The following ZMYND8 variants were observed in gnomAD, a reference collection of about 807,000 sequenced individuals.
The protein encoded by ZMYND8 is MYND-type zinc finger-containing chromatin reader ZMYND8.
A neutral mutation model predicts 140.8 loss-of-function variants in ZMYND8; 37 were observed. The observed-to-expected ratio is 0.26, with a 90% confidence interval of 0.20 to 0.35. The LOEUF (loss-of-function observed/expected upper bound fraction) is 0.35, where lower values mean the gene tolerates loss of function less well. Among genes scored for constraint, ZMYND8 ranks in the 10% least tolerant of loss-of-function variants. The pLI is 1.00. For missense variants in ZMYND8, 1,068 were observed against 1,570.0 expected, an observed-to-expected ratio of 0.68 and a Z score of 5.40; for synonymous variants, 592 against 597.1, an observed-to-expected ratio of 0.99 and a Z score of 0.12.
chr20:47,238,450 G>C (rs2039520977), intron 15 of ZMYND8: 2 of 460,130 alleles, frequency 4.3e-6, no homozygotes, highest in Non-Finnish European at 7.9e-6. Context: ...CTGTGGAAGG[G>C]AAGAGAATGA....
chr20:47,319,474 T>C (rs933211892), intron 2 of ZMYND8: 1 of 192,850 alleles, frequency 5.2e-6, no homozygotes, highest in Non-Finnish European at 1.1e-5. Flanking sequence ...GCCCCTCTCC[T>C]AGAAATGAGA....
intron 2 of ZMYND8, among the ~76,000 whole-genome samples, chr20:47,343,629 A>T (rs1569243432): frequency 6.6e-6 from 1 of 152,124 alleles, no homozygotes; most frequent in Non-Finnish European, 1.5e-5. Flanking sequence ...TTTCTGCTTC[A>T]GTCTCCCAAG....
At chr20:47,325,688 C>T (rs987364336) in intron 2 of ZMYND8, among the ~76,000 whole-genome samples, 2 of 152,160 alleles carry the variant, frequency 1.3e-5, no homozygotes, top group East Asian at 3.8e-4. Flanking sequence ...TGGGGCCATT[C>T]AGCTAAATGC....
chr20:47,246,593 C>T (rs766733938), intron 13 of ZMYND8, 76 bp from the exon 14 acceptor site: 17 of 1,501,806 alleles, frequency 1.1e-5, no homozygotes, highest in Non-Finnish European at 1.3e-5. Context: ...AAACATTTTT[C>T]CACACCAAAT....
At chr20:47,229,139 C>A (rs2038125330) in intron 17 of ZMYND8, among the ~76,000 whole-genome samples, 1 of 151,184 alleles carries the variant, frequency 6.6e-6, no homozygotes, top group South Asian at 2.1e-4. Context: ...ACACCACCAT[C>A]TCCTGCTTGT....
intron 11 of ZMYND8, among the ~76,000 whole-genome samples, chr20:47,263,315 G>A (rs2075285721): frequency 6.6e-6 from 1 of 152,190 alleles, no homozygotes. Context: ...TCCAAGATGA[G>A]CAAGAAACAT....
chr20:47,294,397 A>G (rs1340581679), intron 5 of ZMYND8, among the ~76,000 whole-genome samples: 2 of 151,268 alleles, frequency 1.3e-5, no homozygotes, highest in East Asian at 3.9e-4. Flanking sequence ...TTTTCTTCAT[A>G]AATTACTCAG....
At position 47,238,989 on chromosome 20, in the gene ZMYND8, G is replaced by C. The variant is rs765936429; in HGVS notation, c.2434C>G (p.Pro812Ala). Residue 812 changes from proline (P) to alanine (A), a missense_variant, in exon 15 of 23, where the codon CCC (proline) becomes GCC (alanine). Physicochemically the swap from Pro to Ala is conservative, Grantham distance 27 (BLOSUM62 -1). Around this residue, in one of 10 missense-constraint regions of ZMYND8, gnomAD observed 383 missense variants for 431.2 expected, o/e 0.89. Coordinates refer to ENST00000471951, the MANE Select transcript of ZMYND8 (RefSeq NM_001281775.3). ...TTCACTGGGCTTCCTGTGGCGGCGG[G>C]GGCCGGGGCCGTGACGGTGACCGTG... ...SSTVTVTAPA[P>A]AATGSPVKKQ... The C allele has an allele frequency of 3.7e-6, 6 of 1,609,788 alleles. No individual in the cohort carries two copies. The highest frequency in any genetic ancestry group is 1.3e-5 in the African/African-American group (1 of 74,860).
chr20:47,287,488 G>A (rs117070713), intron 7 of ZMYND8, among the ~76,000 whole-genome samples: 1 of 152,196 alleles, frequency 6.6e-6, no homozygotes, highest in Non-Finnish European at 1.5e-5. Flanking sequence ...TTGGCGCCTC[G>A]ATGTCATCTT....
intron 21 of ZMYND8, among the ~76,000 whole-genome samples, chr20:47,213,911 G>A (rs187607685): frequency 6.6e-5 from 10 of 152,256 alleles, no homozygotes; most frequent in African/African-American, 2.4e-4. Flanking sequence ...CGTGTAAACT[G>A]GAACTAGGAA....
intron 20 of ZMYND8, among the ~76,000 whole-genome samples, chr20:47,220,787 A>G (rs1330488853): frequency 6.6e-6 from 1 of 152,240 alleles, no homozygotes; most frequent in Non-Finnish European, 1.5e-5. Flanking sequence ...TACAGTGACT[A>G]AAAATGTAAA....
chr20:47,341,205 A>G (rs911718395), intron 2 of ZMYND8, among the ~76,000 whole-genome samples: 1 of 152,240 alleles, frequency 6.6e-6, no homozygotes, highest in Non-Finnish European at 1.5e-5. Flanking sequence ...AAATGTTTAC[A>G]CAGTATGTCT....
chr20:47,221,619 T>C (rs1466930118), intron 19 of ZMYND8, 145 bp from the exon 20 acceptor site: 3 of 1,008,870 alleles, frequency 3.0e-6, no homozygotes, highest in East Asian at 2.8e-5. Flanking sequence ...GGGGGCCAGA[T>C]TGCCAGAGTT....
At chr20:47,260,546 C>T (rs550758934) in intron 12 of ZMYND8, among the ~76,000 whole-genome samples, 1 of 152,176 alleles carries the variant, frequency 6.6e-6, no homozygotes, top group Non-Finnish European at 1.5e-5. Context: ...AATCTTTTTC[C>T]TCCTGACACT....
chr20:47,290,385 T>C, intron 6 of ZMYND8, 111 bp from the exon 7 acceptor site: 1 of 834,062 alleles, frequency 1.2e-6, no homozygotes, highest in Non-Finnish European at 1.9e-6. Flanking sequence ...AATCAATTAG[T>C]GTTCTTCTAT....
chr20:47,330,624 A>G (rs2080863148), intron 2 of ZMYND8, among the ~76,000 whole-genome samples: 1 of 152,140 alleles, frequency 6.6e-6, no homozygotes, highest in Non-Finnish European at 1.5e-5. Context: ...ACCAGGGGGA[A>G]AGGGCCATTT....
At chr20:47,261,068 A>C (rs2075117405) in intron 12 of ZMYND8, among the ~76,000 whole-genome samples, 1 of 152,070 alleles carries the variant, frequency 6.6e-6, no homozygotes, top group Non-Finnish European at 1.5e-5. Context: ...CTAAAAATAC[A>C]AAATTAGCCA....
At chr20:47,296,500 G>A (rs1370960352) in intron 4 of ZMYND8, among the ~76,000 whole-genome samples, 1 of 152,056 alleles carries the variant, frequency 6.6e-6, no homozygotes, top group African/African-American at 2.4e-5. Flanking sequence ...CTGAACCCTA[G>A]CAGTCAACTT....
At chr20:47,279,921 A>G (rs1312121921) in intron 10 of ZMYND8, among the ~76,000 whole-genome samples, 1 of 151,988 alleles carries the variant, frequency 6.6e-6, no homozygotes, top group Non-Finnish European at 1.5e-5. Flanking sequence ...CCAGGAGTTC[A>G]AGACCAGCCT....
Sources: gnomAD v4.1 joint callset for allele counts (sites outside exome capture counted in the v4.1 genomes callset) on GRCh38, gnomAD v4.1.1 for gene constraint, gnomAD v4.1.1 regional missense constraint, MANE v1.5 for transcripts, NCBI Gene and HGNC (gene_info 2026-07-23, HGNC 2026-07-21) for gene names.